HS6ST3: variants seen among roughly 807,000 people sequenced by gnomAD.
HS6ST3 encodes the protein heparan-sulfate 6-O-sulfotransferase 3.
In HS6ST3, 12 loss-of-function variants were observed where a neutral mutation model predicts 36.7. That is an observed-to-expected ratio of 0.33 (90% CI 0.21 to 0.53). The LOEUF (loss-of-function observed/expected upper bound fraction) is 0.53. HS6ST3 is among the 20% of genes least tolerant of loss of function. HS6ST3 has a pLI of 0.95. For missense variants in HS6ST3, 584 were observed against 640.9 expected (o/e 0.91, Z 0.96); for synonymous variants, 240 against 257.5 (o/e 0.93, Z 0.65).
At chr13:96,129,354 C>A (rs527914981) in intron 1 of HS6ST3, among the ~76,000 whole-genome samples, 7 of 152,300 alleles carry the variant, frequency 4.6e-5, no homozygotes, top group African/African-American at 1.4e-4. Context: ...ATCCAGGTAA[C>A]CTGATAACTG....
intron 1 of HS6ST3, among the ~76,000 whole-genome samples, chr13:96,589,528 T>G (rs1055572004): frequency 1.3e-5 from 2 of 152,068 alleles, no homozygotes; most frequent in Non-Finnish European, 2.9e-5. Flanking sequence ...TGACTCTGTT[T>G]TATTTATTTC....
chr13:96,622,114 A>C (rs553233332), intron 1 of HS6ST3, among the ~76,000 whole-genome samples: 3 of 152,248 alleles, frequency 2.0e-5, no homozygotes, highest in Admixed American at 6.5e-5. Context: ...CCTTATTTGG[A>C]GGTCTGCACC....
chr13:96,619,004 G>GT, intron 1 of HS6ST3, among the ~76,000 whole-genome samples: 1 of 150,694 alleles, frequency 6.6e-6, no homozygotes, highest in African/African-American at 2.4e-5. Context: ...GGAGGAGTTG[G>GT]GTTTTTTTTT....
At chr13:96,336,954 A>G (rs758752166) in intron 1 of HS6ST3, among the ~76,000 whole-genome samples, 1 of 152,142 alleles carries the variant, frequency 6.6e-6, no homozygotes, top group Non-Finnish European at 1.5e-5. Flanking sequence ...CCCACTTACC[A>G]TGTGATTAGT....
At chr13:96,186,688 GC>G (rs1425208075) in intron 1 of HS6ST3, among the ~76,000 whole-genome samples, 6 of 152,284 alleles carry the variant, frequency 3.9e-5, no homozygotes, top group African/African-American at 1.4e-4. Context: ...TGTATAGAAT[GC>G]TTCTCAGAGG....
chr13:96,805,958 C>T (rs2138531491), intron 1 of HS6ST3, among the ~76,000 whole-genome samples: 1 of 152,260 alleles, frequency 6.6e-6, no homozygotes, highest in Admixed American at 6.5e-5. Flanking sequence ...TCTGGCTTAA[C>T]CCAAAGACGT....
intron 1 of HS6ST3, among the ~76,000 whole-genome samples, chr13:96,762,475 A>G (rs970507421): frequency 1.3e-5 from 2 of 152,272 alleles, no homozygotes; most frequent in East Asian, 1.9e-4. Flanking sequence ...GTGAGACTCC[A>G]TCTCAAAAAA....
At chr13:96,194,178 T>G (rs769700054) in intron 1 of HS6ST3, among the ~76,000 whole-genome samples, 7 of 152,138 alleles carry the variant, frequency 4.6e-5, no homozygotes, top group Non-Finnish European at 7.3e-5. Context: ...GGCATCCTCA[T>G]TTCATTGTAT....
intron 1 of HS6ST3, among the ~76,000 whole-genome samples, chr13:96,329,577 T>G (rs1299017131): frequency 2.3e-5 from 3 of 133,266 alleles, no homozygotes; most frequent in Admixed American, 7.3e-5. Context: ...TCTTTTAAAT[T>G]TGCTGAGGAG....
At chr13:96,248,516 A>C (rs1474321544) in intron 1 of HS6ST3, among the ~76,000 whole-genome samples, 1 of 152,202 alleles carries the variant, frequency 6.6e-6, no homozygotes, top group Non-Finnish European at 1.5e-5. Flanking sequence ...ATTTGATACT[A>C]TAAGGAAGGT....
chr13:96,524,889 T>C (rs1594799810), intron 1 of HS6ST3, among the ~76,000 whole-genome samples: 1 of 152,350 alleles, frequency 6.6e-6, no homozygotes, highest in East Asian at 1.9e-4. Context: ...CCCAGTGAGA[T>C]GAACCAGGTA....
chr13:96,526,024 T>C (rs1398756189), intron 1 of HS6ST3, among the ~76,000 whole-genome samples: 2 of 152,182 alleles, frequency 1.3e-5, no homozygotes, highest in East Asian at 3.8e-4. Context: ...AGGTTTTCAG[T>C]AGGTTACTGA....
chr13:96,216,463 G>A (rs1055785255), intron 1 of HS6ST3, among the ~76,000 whole-genome samples: 2 of 152,068 alleles, frequency 1.3e-5, no homozygotes, highest in Non-Finnish European at 2.9e-5. Flanking sequence ...TTTTGCTTAC[G>A]TCCTTGTTAA....
chr13:96,774,175 G>T (rs1456838817), intron 1 of HS6ST3, among the ~76,000 whole-genome samples: 1 of 152,020 alleles, frequency 6.6e-6, no homozygotes, highest in Non-Finnish European at 1.5e-5. Context: ...CCATTCAAAG[G>T]TCACCAACAT....
chr13:96,624,323 C>T (rs2056504958), intron 1 of HS6ST3, among the ~76,000 whole-genome samples: 1 of 152,022 alleles, frequency 6.6e-6, no homozygotes, highest in Non-Finnish European at 1.5e-5. Context: ...TGATTGATAC[C>T]TTTGGGTTTC....
chr13:96,642,923 C>CT (rs2056575272), intron 1 of HS6ST3, among the ~76,000 whole-genome samples: 1 of 151,908 alleles, frequency 6.6e-6, no homozygotes, highest in Admixed American at 6.6e-5. Flanking sequence ...CTATTGATTG[C>CT]TTTTTTCCCC....
At chr13:96,305,316 C>G (rs1214310364) in intron 1 of HS6ST3, among the ~76,000 whole-genome samples, 2 of 152,058 alleles carry the variant, frequency 1.3e-5, no homozygotes, top group Non-Finnish European at 2.9e-5. Context: ...TGTTACCATA[C>G]TTCATGAATA....
rs1250001710 is a variant in HS6ST3 at position 96,090,343 on chromosome 13, TGCCGGGCGCGGTGCCCGCGGCCG to T, written c.-513_-491del. The stretch of plus-strand genomic sequence containing the variant: ...TGCCGGCAAAGGCGCCGGGCGCGCG[TGCCGGGCGCGGTGCCCGCGGCCG>T]GCCGGGGCGGCGGGAGCGGGCCGCG... On this transcript the variant is annotated 5_prime_UTR_variant, in exon 1 of 2. Coordinates refer to ENST00000376705, the MANE Select transcript of HS6ST3 (RefSeq NM_153456.4). Among the ~76,000 whole-genome samples the T allele has an allele frequency of 2.0e-5, 3 of 146,448 alleles. No homozygotes were observed. Among genetic ancestry groups the T allele is most frequent in the Non-Finnish European group, 4.6e-5 (3 of 65,934 alleles).
At chr13:96,665,930 A>G (rs2056662610) in intron 1 of HS6ST3, among the ~76,000 whole-genome samples, 1 of 152,110 alleles carries the variant, frequency 6.6e-6, no homozygotes, top group African/African-American at 2.4e-5. Flanking sequence ...CAGATTTTAA[A>G]CTAAGCCTTT....
Sources: gnomAD v4.1 joint callset for allele counts (sites outside exome capture counted in the v4.1 genomes callset) on GRCh38, gnomAD v4.1.1 for gene constraint, MANE v1.5 for transcripts, NCBI Gene and HGNC (gene_info 2026-07-23, HGNC 2026-07-21) for gene names.